HELZ: variants seen among roughly 807,000 people sequenced by gnomAD.
HELZ encodes the protein helicase with zinc finger, also known as ATP-dependent RNA helicase with zinc finger domain.
In HELZ, 23 loss-of-function variants were observed where a neutral mutation model predicts 218.2. That is an observed-to-expected ratio of 0.11 (90% CI 0.08 to 0.15). The LOEUF (loss-of-function observed/expected upper bound fraction) is 0.15, where lower values mean the gene tolerates loss of function less well. Ranked by LOEUF, HELZ falls within the 10% of genes least tolerant of loss-of-function variation. The pLI is 1.00. For missense variants in HELZ, 1,813 were observed against 2,353.7 expected (o/e 0.77, Z 4.75); for synonymous variants, 814 against 829.4 (o/e 0.98, Z 0.32).
intron 5 of HELZ, among the ~76,000 whole-genome samples, chr17:67,213,783 G>A (rs1234780196): frequency 6.6e-6 from 1 of 152,098 alleles, no homozygotes; most frequent in Admixed American, 6.6e-5. Context: ...CCACCTAAAT[G>A]CCCATCAATA....
chr17:67,153,420 T>A (rs2038748936), intron 17 of HELZ, among the ~76,000 whole-genome samples: 2 of 152,192 alleles, frequency 1.3e-5, no homozygotes, highest in East Asian at 3.9e-4. Context: ...TGGCTTCTAC[T>A]CCGTCAGTAA....
chr17:67,150,371 C>T (rs1045511674), intron 18 of HELZ, among the ~76,000 whole-genome samples: 4 of 151,906 alleles, frequency 2.6e-5, no homozygotes, highest in Admixed American at 6.6e-5. Context: ...TCAAGTGATC[C>T]GCCTGCCTCG....
chr17:67,093,784 C>T (rs2036646634), intron 31 of HELZ, among the ~76,000 whole-genome samples: 1 of 149,226 alleles, frequency 6.7e-6, no homozygotes, highest in Non-Finnish European at 1.5e-5. Flanking sequence ...CTATGACATC[C>T]TTCACTATTT....
chr17:67,116,228 ACC>A (rs2037422342), intron 27 of HELZ, among the ~76,000 whole-genome samples: 1 of 152,038 alleles, frequency 6.6e-6, no homozygotes, highest in East Asian at 1.9e-4. Context: ...AAAATACTCT[ACC>A]AATCCAGAAG....
intron 23 of HELZ, among the ~76,000 whole-genome samples, chr17:67,132,984 T>A (rs140134358): frequency 4.9e-4 from 75 of 152,334 alleles, no homozygotes; most frequent in African/African-American, 1.8e-3. Flanking sequence ...TTATATTCTC[T>A]GAGCTTACTT....
intron 26 of HELZ, among the ~76,000 whole-genome samples, chr17:67,121,617 C>T (rs942919821): frequency 6.6e-6 from 1 of 152,194 alleles, no homozygotes; most frequent in Non-Finnish European, 1.5e-5. Flanking sequence ...TCATCTCAGC[C>T]TGAAATTACA....
chr17:67,147,985 T>A (rs2038557766), intron 20 of HELZ, among the ~76,000 whole-genome samples: 1 of 152,210 alleles, frequency 6.6e-6, no homozygotes, highest in South Asian at 2.1e-4. Flanking sequence ...GTAATATCCT[T>A]GATAATAAAC....
chr17:67,141,574 A>G, intron 21 of HELZ, among the ~76,000 whole-genome samples: 1 of 151,984 alleles, frequency 6.6e-6, no homozygotes, highest in East Asian at 1.9e-4. Context: ...CTAGAAATAT[A>G]ACCTTTCTAT....
chr17:67,080,369 T>C (rs1042318011), intron 32 of HELZ, among the ~76,000 whole-genome samples: 5 of 152,218 alleles, frequency 3.3e-5, no homozygotes, highest in African/African-American at 2.4e-5. Flanking sequence ...CTATAATAAA[T>C]TGTGTTCTCT....
Position 67,188,664 on chromosome 17 carries a change from C to G in HELZ, c.865-48G>C, listed in dbSNP as rs775890885. The G allele has an allele frequency of 9.4e-6, 14 of 1,481,660 alleles. No homozygotes were observed. The highest frequency in any genetic ancestry group is 1.3e-5 in the Non-Finnish European group (14 of 1,083,072). 91.8% of individuals were successfully genotyped at this position (1,481,660 alleles called of 1,614,324 possible). ...CATTGAGTACAAGGGGGTGAAAAAT[C>G]CAATTGTAATTGGGCTCTTCAATGA... On this transcript the variant is annotated intron_variant, in intron 11 of 32. Transcript: ENST00000358691. The surrounding 1 kb of genome is among the most constrained non-coding windows in gnomAD (Gnocchi z 4.1).
intron 32 of HELZ, among the ~76,000 whole-genome samples, chr17:67,083,629 AAAAAC>A (rs1206986266): frequency 6.6e-6 from 1 of 152,230 alleles, no homozygotes; most frequent in East Asian, 1.9e-4. Flanking sequence ...ACTGTGTCTC[AAAAAC>A]AAAACAAAAC....
At chr17:67,122,125 A>C (rs1311094774) in intron 26 of HELZ, among the ~76,000 whole-genome samples, 3 of 152,224 alleles carry the variant, frequency 2.0e-5, no homozygotes, top group Non-Finnish European at 2.9e-5. Flanking sequence ...AAAGGTGGCC[A>C]GGCACAGTGG....
chr17:67,183,818 T>C (rs1427589934), intron 12 of HELZ, among the ~76,000 whole-genome samples: 2 of 151,944 alleles, frequency 1.3e-5, no homozygotes, highest in Non-Finnish European at 2.9e-5. Flanking sequence ...TTTTTTAGTA[T>C]ATAGTGTCTT....
rs570058876 is a variant in HELZ, at chr17:67,216,798, C to A, written c.211-863G>T. Reference sequence around the variant, plus strand: ...GCTTTCTTGGCAGCTGCTGACACTACTCCTCATTTCCTCACTTGGACACAC... The same window carrying A: ...GCTTTCTTGGCAGCTGCTGACACTAATCCTCATTTCCTCACTTGGACACAC... On this transcript the variant is annotated intron_variant, in intron 4 of 32. Coordinates refer to ENST00000358691, the MANE Select transcript of HELZ (RefSeq NM_014877.4). Among the ~76,000 whole-genome samples the A allele has an allele frequency of 9.9e-5, 15 of 152,250 alleles. No homozygotes were observed. The East Asian group carries it at 2.7e-3, about 28-fold the overall frequency.
At chr17:67,245,819 T>C (rs543862682), upstream of HELZ, 1 of 152,060 alleles carries the variant, frequency 6.6e-6, no homozygotes, top group South Asian at 2.1e-4. Context: ...TTTTACCCCT[T>C]GTTTACTCTG....
At position 67,073,531 on chromosome 17, in the gene HELZ, G is replaced by A. The variant is rs1444754131; in HGVS notation, c.*4721C>T. The A allele has an allele frequency of 2.0e-5, 3 of 152,150 alleles. No homozygotes were observed. Among genetic ancestry groups the A allele is most frequent in the Non-Finnish European group, 2.9e-5 (2 of 68,014 alleles). The allele number at this position is 152,150 out of a possible 1,614,324, so 9.4% of individuals were successfully genotyped here. On this transcript the variant is annotated 3_prime_UTR_variant, in exon 33 of 33. Transcript: ENST00000358691. ...TTTTCTTAACACTCCAGTTTTAGAC[G>A]CTTTAGACGACCACTGCGGAACTGG...
intron 27 of HELZ, among the ~76,000 whole-genome samples, chr17:67,116,945 C>T (rs1410508608): frequency 2.6e-5 from 4 of 152,182 alleles, no homozygotes; most frequent in African/African-American, 9.7e-5. Context: ...CAATCTCCAC[C>T]TCCCAGGTTC....
At chr17:67,089,668 T>TATAG (rs71293575) in intron 31 of HELZ, among the ~76,000 whole-genome samples, 62 of 70,636 alleles carry the variant, frequency 8.8e-4, no homozygotes, top group Middle Eastern at 8.2e-3. Context: ...TATATATATA[T>TATAG]AGAGAGAGAG....
At chr17:67,227,857 ACTTCT>A (rs999047080) in intron 3 of HELZ, among the ~76,000 whole-genome samples, 1 of 152,232 alleles carries the variant, frequency 6.6e-6, no homozygotes, top group African/African-American at 2.4e-5. Flanking sequence ...CCTCAAATTA[ACTTCT>A]CTTGTTAATG....
Sources: allele counts gnomAD v4.1 joint callset (sites outside exome capture counted in the v4.1 genomes callset), GRCh38; gene constraint gnomAD v4.1.1; non-coding constraint Gnocchi (gnomAD v3.1); transcripts MANE v1.5; gene names NCBI Gene and HGNC (gene_info 2026-07-23, HGNC 2026-07-21).